The following GNB4 variants were observed in gnomAD, a reference collection of about 807,000 sequenced individuals.
GNB4 encodes G protein subunit beta 4.
A neutral mutation model predicts 45.2 loss-of-function variants in GNB4; 28 were observed. The ratio of observed to expected loss-of-function variants is 0.62; its 90% CI spans 0.46 to 0.85. The LOEUF (loss-of-function observed/expected upper bound fraction) is 0.85, where lower values mean the gene tolerates loss of function less well. Ranked by LOEUF, GNB4 falls within the 40% of genes least tolerant of loss-of-function variation. GNB4 has a pLI of 0.00. For missense variants in GNB4, 321 were observed against 425.4 expected, an observed-to-expected ratio of 0.75 and a Z score of 2.16; for synonymous variants, 132 against 143.7, an observed-to-expected ratio of 0.92 and a Z score of 0.58.
chr3:179,420,962 C>A (rs1489701081), intron 2 of GNB4, 35 bp from the exon 3 acceptor site: 2 of 1,288,508 alleles, frequency 1.6e-6, no homozygotes, highest in Non-Finnish European at 2.2e-6. Flanking sequence ...ATGCATTTAG[C>A]AACCTGTGGA....
the GNB4 span, among the ~76,000 whole-genome samples, chr3:179,471,841 A>G: frequency 6.6e-6 from 1 of 152,220 alleles, no homozygotes; most frequent in Non-Finnish European, 1.5e-5. Context: ...AATTTTAAAT[A>G]AAGTAGATAT....
At chr3:179,459,172 C>T in the GNB4 span, among the ~76,000 whole-genome samples, 9 of 152,286 alleles carry the variant, frequency 5.9e-5, no homozygotes, top group Non-Finnish European at 1.0e-4. Context: ...CTCTTCCCAA[C>T]CCCCCATCTT....
At chr3:179,421,036 T>C in intron 2 of GNB4, 109 bp from the exon 3 acceptor site, 1 of 662,108 alleles carries the variant, frequency 1.5e-6, no homozygotes, top group Non-Finnish European at 2.7e-6. Flanking sequence ...CTGTACCACA[T>C]CTTTAAAAAT....
the GNB4 span, among the ~76,000 whole-genome samples, chr3:179,523,104 G>T: frequency 6.7e-6 from 1 of 149,848 alleles, no homozygotes; most frequent in East Asian, 2.0e-4. Flanking sequence ...AAATGTGGAA[G>T]TACCTAACCA....
intron 8 of GNB4, among the ~76,000 whole-genome samples, chr3:179,408,275 G>A (rs1206977573): frequency 6.6e-6 from 1 of 152,054 alleles, no homozygotes; most frequent in African/African-American, 2.4e-5. Flanking sequence ...AACAACGTCT[G>A]GGATGAAAAG....
At chr3:179,518,949 A>C in the GNB4 span, among the ~76,000 whole-genome samples, 2 of 152,252 alleles carry the variant, frequency 1.3e-5, no homozygotes, top group Non-Finnish European at 2.9e-5. Context: ...GGACTTAATT[A>C]ACCTCGCCTT....
At chr3:179,464,981 C>T in the GNB4 span, 9 of 1,537,726 alleles carry the variant, frequency 5.9e-6, no homozygotes, top group Admixed American at 1.2e-4. Context: ...TGCAATGTTA[C>T]TGCACACAGA....
the GNB4 span, among the ~76,000 whole-genome samples, chr3:179,527,790 ATGTGTGTGTGTGTGTGTGTGTGTGTG>A: frequency 7.0e-6 from 1 of 142,336 alleles, no homozygotes; most frequent in Non-Finnish European, 1.6e-5. Context: ...GTGTGTATGT[ATGTGTGTGTGTGTGTGTGTGTGTGTG>A]TGTGTGTGTG....
chr3:179,431,757 C>T lies in GNB4; in HGVS notation c.-42-5515G>A, dbSNP rs781118405. 2.4e-4 allele frequency among the ~76,000 whole-genome samples: 36 copies of T among 152,270 alleles called. 2 individuals are homozygous for T. Among genetic ancestry groups the T allele is most frequent in the South Asian group, 1.9e-3 (9 of 4,820 alleles). On this transcript the variant is annotated intron_variant, in intron 1 of 9. Coordinates refer to ENST00000232564, the MANE Select transcript of GNB4 (RefSeq NM_021629.4). Reference sequence around the variant, plus strand: ...TCCAGGTGATGCTGTGGACTTCATACTGTAGCACATCAGGATGAACTTAAT... The same window carrying T: ...TCCAGGTGATGCTGTGGACTTCATATTGTAGCACATCAGGATGAACTTAAT...
At chr3:179,408,343 G>A (rs1452425326) in intron 8 of GNB4, among the ~76,000 whole-genome samples, 2 of 152,090 alleles carry the variant, frequency 1.3e-5, no homozygotes, top group Admixed American at 6.6e-5. Context: ...TGAAGGCAAA[G>A]CAATAGGACC....
In GNB4 at chr3:179,406,311, G is replaced by A. The variant is rs150618956; in HGVS notation, c.700-905C>T. On this transcript the variant is annotated intron_variant, in intron 8 of 9. Transcript: ENST00000232564. The stretch of plus-strand genomic sequence containing the variant: ...TCTTTTAATAGCAGTAATCATTTAC[G>A]TGTAATGCCTTAAGTGATTATTCTT... Among the ~76,000 whole-genome samples, 351 of 152,160 alleles carry A rather than the reference G, an allele frequency of 2.3e-3. 1 individual carries two copies. In the Middle Eastern group the frequency reaches 0.027, roughly 12 times the overall value.
At chr3:179,405,674 A>G in intron 8 of GNB4, 1 of 347,764 alleles carries the variant, frequency 2.9e-6, no homozygotes, top group African/African-American at 2.1e-5. Flanking sequence ...GGTTCTCCAT[A>G]TGTCATGTTG....
chr3:179,410,490 CTG>C (rs1310897347), intron 8 of GNB4: 3 of 152,180 alleles, frequency 2.0e-5, no homozygotes, highest in Admixed American at 1.3e-4. Context: ...TATCTGAGGA[CTG>C]TGACAGAAAG....
At chr3:179,478,829 G>A in the GNB4 span, among the ~76,000 whole-genome samples, 1 of 152,166 alleles carries the variant, frequency 6.6e-6, no homozygotes, top group African/African-American at 2.4e-5. Flanking sequence ...GAATGGTTTA[G>A]CACCATCATC....
chr3:179,416,407 A>C, intron 5 of GNB4, 86 bp downstream of exon 5: 1 of 733,848 alleles, frequency 1.4e-6, no homozygotes, highest in South Asian at 1.7e-5. Flanking sequence ...AAGCAATTTA[A>C]GTTTGAGGTA....
chr3:179,464,949 CA>C, the GNB4 span: 1 of 1,549,014 alleles, frequency 6.5e-7, no homozygotes, highest in Non-Finnish European at 8.9e-7. Flanking sequence ...GCTGGAAGGT[CA>C]AAAAGTGTTG....
chr3:179,513,811 G>T, the GNB4 span, among the ~76,000 whole-genome samples: 1 of 151,764 alleles, frequency 6.6e-6, no homozygotes, highest in Non-Finnish European at 1.5e-5. Context: ...TAAACTTATG[G>T]ATACATATCA....
At chr3:179,440,864 T>C (rs1418780406) in intron 1 of GNB4, among the ~76,000 whole-genome samples, 1 of 134,678 alleles carries the variant, frequency 7.4e-6, no homozygotes, top group Non-Finnish European at 1.6e-5. Context: ...TAAAAATTCC[T>C]ATATATATAG....
the GNB4 span, among the ~76,000 whole-genome samples, chr3:179,477,281 C>G: frequency 6.6e-6 from 1 of 152,182 alleles, no homozygotes; most frequent in Admixed American, 6.5e-5. Context: ...TTATAAATCT[C>G]ATCTTTTAGT....
Sources: gnomAD v4.1 joint callset for allele counts (sites outside exome capture counted in the v4.1 genomes callset) on GRCh38, gnomAD v4.1.1 for gene constraint, MANE v1.5 for transcripts, NCBI Gene and HGNC (gene_info 2026-07-23, HGNC 2026-07-21) for gene names.